SLIRP: variants seen among roughly 807,000 people sequenced by gnomAD.
SLIRP encodes SRA stem-loop-interacting RNA-binding protein, mitochondrial.
A neutral mutation model predicts 13.4 loss-of-function variants in SLIRP; 12 were observed. That is an observed-to-expected ratio of 0.89 (90% CI 0.57 to 1.45). The LOEUF (loss-of-function observed/expected upper bound fraction) is 1.45, where lower values mean the gene tolerates loss of function less well. Among genes scored for constraint, SLIRP ranks in the 40% most tolerant of loss-of-function variants. SLIRP has a pLI of 0.00. For missense variants in SLIRP, 154 were observed against 132.2 expected (o/e 1.17, Z -0.81); for synonymous variants, 55 against 47.1 (o/e 1.17, Z -0.69).
intron 1 of SLIRP, among the ~76,000 whole-genome samples, chr14:77,709,071 A>G (rs952833771): frequency 6.6e-6 from 1 of 152,258 alleles, no homozygotes; most frequent in East Asian, 1.9e-4. Flanking sequence ...TGTTAGATAC[A>G]GTGTAAGTAC....
intron 3 of SLIRP, chr14:77,716,194 T>A (rs1252617649): frequency 1.7e-5 from 3 of 180,928 alleles, no homozygotes; most frequent in African/African-American, 7.1e-5. Context: ...CGGGCGCCTG[T>A]AGTCCCAGCT....
Position 77,715,929 on chromosome 14 carries a change from A to AT in SLIRP, c.264+53dup, listed in dbSNP as rs752872944. ...CATACATGATATACATGTAGGTACT[A>AT]TTTAATTATGTATCAATTAAATAGA... On this transcript the variant is annotated intron_variant, in intron 3 of 3. Transcript: ENST00000557342. 4.9e-4 allele frequency: 643 copies of AT among 1,314,232 alleles called. 1 individual carries two copies. Among genetic ancestry groups the AT allele is most frequent in the Middle Eastern group, 1.3e-3 (7 of 5,440 alleles). The allele number at this position is 1,314,232 out of a possible 1,614,324, so 81.4% of individuals were successfully genotyped here. A position where few individuals can be genotyped will look rare whatever the true frequency, so the allele number is the denominator to read the frequency against.
chr14:77,713,512 T>A lies in SLIRP; in HGVS notation c.157-2260T>A, dbSNP rs577920077. Among the ~76,000 whole-genome samples the A allele has an allele frequency of 2.0e-5, 3 of 152,346 alleles. No homozygotes were observed. The South Asian group carries it at 6.2e-4, about 32-fold the overall frequency. On this transcript the variant is annotated intron_variant, in intron 2 of 3. Coordinates refer to ENST00000557342, the MANE Select transcript of SLIRP (RefSeq NM_031210.6). ...GGTGTAGGGAATCTGGCACTCAAGT[T>A]GTTGAGAAGTTCAACTGGTACCTTC...
rs190973508 is a variant in SLIRP, at chr14:77,716,418, G to A, written c.264+539G>A. The stretch of plus-strand genomic sequence containing the variant: ...TCCCAGCACTTTGGGAGGCCGAGGC[G>A]GGGGGGATCACCAGAGGTCAGGAGT... On this transcript the variant is annotated intron_variant, in intron 3 of 3. Coordinates refer to ENST00000557342, the MANE Select transcript of SLIRP (RefSeq NM_031210.6). The A allele has an allele frequency of 3.9e-3, 590 of 151,518 alleles. 4 individuals are homozygous for A. The highest frequency in any genetic ancestry group is 0.011 in the Admixed American group (170 of 15,182). The allele number at this position is 151,518 out of a possible 1,614,324, so 9.4% of individuals were successfully genotyped here.
chr14:77,708,086 G>T, upstream of SLIRP: 2 of 1,611,584 alleles, frequency 1.2e-6, no homozygotes, highest in Non-Finnish European at 1.7e-6. Context: ...CGCGACCTCG[G>T]CTCGAGAAGG....
chr14:77,708,128 CGAGAGGTGCT>C lies in SLIRP; in HGVS notation c.19_28del (p.Gly8ArgfsTer13). ...AGTCTGAAGATGGCGGCCTCAGCAG[CGAGAGGTGCT>C]GCGGCGCTGCGTAGAAGTATCAATC... On this transcript the variant is annotated frameshift_variant, in exon 1 of 4. Transcript: ENST00000557342. LOFTEE classifies it high-confidence loss of function. 1.9e-6 allele frequency: 3 copies of C among 1,614,092 alleles called. No individual in the cohort carries two copies. The highest frequency in any genetic ancestry group is 2.2e-5 in the South Asian group (2 of 91,082).
intron 1 of SLIRP, among the ~76,000 whole-genome samples, chr14:77,709,490 C>T (rs1408862575): frequency 2.0e-5 from 3 of 152,156 alleles, no homozygotes; most frequent in Non-Finnish European, 4.4e-5. Flanking sequence ...TAGCATCTTG[C>T]GGATGCAAGT....
At chr14:77,712,113 ACACATCTCTCACAGC>A (rs2080445164) in intron 2 of SLIRP, 1 of 152,190 alleles carries the variant, frequency 6.6e-6, no homozygotes, top group Non-Finnish European at 1.5e-5. Context: ...CTCAAAAACA[ACACATCTCTCACAGC>A]TGAGCACAGT....
At chr14:77,711,131 C>A (rs1003918722) in intron 2 of SLIRP, among the ~76,000 whole-genome samples, 11 of 151,316 alleles carry the variant, frequency 7.3e-5, no homozygotes, top group Admixed American at 7.2e-4. Flanking sequence ...ATACCCCATG[C>A]TCCATGATGT....
At position 77,717,367 on chromosome 14, in the gene SLIRP, A is replaced by C. The variant is rs900905066; in HGVS notation, c.265-129A>C. 9 of 757,636 alleles carry C rather than the reference A, an allele frequency of 1.2e-5. No homozygotes were observed. In the African/African-American group the frequency reaches 1.4e-4, roughly 12 times the overall value. The allele number at this position is 757,636 out of a possible 1,614,324, so 46.9% of individuals were successfully genotyped here. A position where few individuals can be genotyped will look rare whatever the true frequency, so the allele number is the denominator to read the frequency against. ...AAAAGGAATTTGAGGAGAAAACGAA[A>C]GAACAAGGGACAAATAAAAACTGCC... On this transcript the variant is annotated intron_variant, in intron 3 of 3. Transcript: ENST00000557342.
At chr14:77,716,113 G>A (rs540931552) in intron 3 of SLIRP, 13 of 338,886 alleles carry the variant, frequency 3.8e-5, no homozygotes, top group South Asian at 1.8e-4. Flanking sequence ...TCAGGAGATC[G>A]AGACCATCCT....
intron 3 of SLIRP, 129 bp downstream of exon 3, chr14:77,716,008 A>C: frequency 2.6e-6 from 2 of 783,404 alleles, no homozygotes; most frequent in Non-Finnish European, 4.1e-6. Flanking sequence ...AAGCTGCCTT[A>C]ATGCTTGTTA....
At chr14:77,710,023 A>G (rs903351579) in intron 1 of SLIRP, among the ~76,000 whole-genome samples, 5 of 152,178 alleles carry the variant, frequency 3.3e-5, no homozygotes, top group Non-Finnish European at 7.4e-5. Flanking sequence ...CAATTGTTGA[A>G]CCAGTGAGGT....
intron 1 of SLIRP, among the ~76,000 whole-genome samples, chr14:77,710,088 C>T (rs1437337002): frequency 6.6e-6 from 1 of 152,158 alleles, no homozygotes; most frequent in Non-Finnish European, 1.5e-5. Context: ...CAGTGAAGTA[C>T]AAGCACTGTA....
intron 1 of SLIRP, 25 bp from the exon 2 acceptor site, chr14:77,710,813 T>C (rs2080433894): frequency 6.2e-7 from 1 of 1,613,946 alleles, no homozygotes; most frequent in Admixed American, 1.7e-5. Flanking sequence ...AGTAACTACT[T>C]TTAATGTTTT....
chr14:77,715,380 A>G (rs1185217398), intron 2 of SLIRP, among the ~76,000 whole-genome samples: 2 of 152,176 alleles, frequency 1.3e-5, no homozygotes, highest in African/African-American at 4.8e-5. Context: ...ATGGTGGCTT[A>G]TGCCTGTAAT....
intron 2 of SLIRP, among the ~76,000 whole-genome samples, chr14:77,714,933 C>T (rs990581877): frequency 2.6e-5 from 4 of 151,990 alleles, no homozygotes; most frequent in African/African-American, 4.8e-5. Context: ...TTTCCGTATG[C>T]GATGTATAGG....
intron 3 of SLIRP, among the ~76,000 whole-genome samples, chr14:77,716,531 G>GGT (rs765503697): frequency 0.036 from 5,344 of 148,922 alleles, 135 homozygotes; most frequent in South Asian, 0.053. Flanking sequence ...CATGCCTGTA[G>GGT]TCCCAGCTAC....
intron 3 of SLIRP, 122 bp from the exon 4 acceptor site, chr14:77,717,374 G>A: frequency 1.3e-6 from 1 of 790,446 alleles, no homozygotes; most frequent in South Asian, 1.6e-5. Context: ...GAAAGAACAA[G>A]GGACAAATAA....
Sources: allele counts gnomAD v4.1 joint callset (sites outside exome capture counted in the v4.1 genomes callset), GRCh38; gene constraint gnomAD v4.1.1; transcripts MANE v1.5; gene names NCBI Gene and HGNC (gene_info 2026-07-23, HGNC 2026-07-21).